CELF2: variants seen among roughly 807,000 people sequenced by gnomAD.
CELF2 encodes the protein CUGBP Elav-like family member 2, also known as CUG triplet repeat RNA-binding protein 2.
Under a neutral mutation model 62.6 loss-of-function variants are expected in CELF2, and 8 were observed. The observed-to-expected ratio is 0.13, with a 90% confidence interval of 0.07 to 0.23. CELF2 has a LOEUF of 0.23. Ranked by LOEUF, CELF2 falls within the 10% of genes least tolerant of loss-of-function variation. The pLI is 1.00. For missense variants in CELF2, 333 were observed against 671.0 expected, an observed-to-expected ratio of 0.50 and a Z score of 5.56; for synonymous variants, 258 against 250.0, an observed-to-expected ratio of 1.03 and a Z score of -0.30.
At chr10:11,216,596 G>A (rs2063417965) in intron 2 of CELF2, among the ~76,000 whole-genome samples, 2 of 152,204 alleles carry the variant, frequency 1.3e-5, no homozygotes, top group Admixed American at 6.5e-5. Flanking sequence ...TGAAGAAGGT[G>A]CAAGCCCTCC....
chr10:10,906,953 G>A (rs1015472633), intron 1 of CELF2, among the ~76,000 whole-genome samples: 10 of 152,016 alleles, frequency 6.6e-5, no homozygotes, highest in East Asian at 1.9e-4. Flanking sequence ...TCTTGACCTC[G>A]TGATCCACCC....
chr10:10,635,656 C>A, the CELF2 span, among the ~76,000 whole-genome samples: 1 of 152,110 alleles, frequency 6.6e-6, no homozygotes, highest in Non-Finnish European at 1.5e-5. Context: ...TTACTTTTTC[C>A]ATCAGCTCTC....
At chr10:11,257,610 C>T (rs2079209811) in intron 4 of CELF2, 128 bp from the exon 5 acceptor site, 1 of 968,410 alleles carries the variant, frequency 1.0e-6, no homozygotes, top group Non-Finnish European at 1.5e-6. Flanking sequence ...TGGACGTCTG[C>T]AGAGTTGGCC....
the CELF2 span, among the ~76,000 whole-genome samples, chr10:10,649,523 G>A: frequency 2.6e-4 from 40 of 151,888 alleles, no homozygotes; most frequent in African/African-American, 9.5e-4. Context: ...ATATCTTAGG[G>A]ATACATCTCA....
chr10:11,161,446 G>A (rs1227020117), intron 1 of CELF2, among the ~76,000 whole-genome samples: 1 of 152,240 alleles, frequency 6.6e-6, no homozygotes, highest in African/African-American at 2.4e-5. Context: ...CCAACTCATG[G>A]AACGTGAAGC....
At chr10:10,877,164 A>G (rs1467455676) in intron 1 of CELF2, among the ~76,000 whole-genome samples, 1 of 152,246 alleles carries the variant, frequency 6.6e-6, no homozygotes, top group African/African-American at 2.4e-5. Context: ...ACTTTCCTTC[A>G]ACTTAATCAT....
intron 1 of CELF2, among the ~76,000 whole-genome samples, chr10:10,914,331 A>G (rs1352521481): frequency 6.6e-6 from 1 of 152,180 alleles, no homozygotes; most frequent in East Asian, 1.9e-4. Context: ...TTGCTTCAAC[A>G]CTTCCTAAAA....
At chr10:11,137,068 GATT>G (rs2060552191) in intron 1 of CELF2, among the ~76,000 whole-genome samples, 1 of 152,118 alleles carries the variant, frequency 6.6e-6, no homozygotes, top group Non-Finnish European at 1.5e-5. Flanking sequence ...ATATATGTAA[GATT>G]ATATATGTAT....
At chr10:10,742,978 G>T in the CELF2 span, among the ~76,000 whole-genome samples, 1 of 152,212 alleles carries the variant, frequency 6.6e-6, no homozygotes, top group African/African-American at 2.4e-5. Context: ...TTCTGTCTTT[G>T]CTTTCCTGGT....
the CELF2 span, among the ~76,000 whole-genome samples, chr10:10,513,250 G>A: frequency 3.3e-5 from 5 of 151,900 alleles, no homozygotes; most frequent in African/African-American, 1.2e-4. Context: ...TGAAGAAGTC[G>A]TATCACTCTA....
At chr10:10,689,282 G>GAA in the CELF2 span, among the ~76,000 whole-genome samples, 1 of 152,124 alleles carries the variant, frequency 6.6e-6, no homozygotes, top group South Asian at 2.1e-4. Flanking sequence ...GCAGGAGAGA[G>GAA]AAACAGTGAA....
At chr10:10,911,321 A>G (rs2063792272) in intron 1 of CELF2, among the ~76,000 whole-genome samples, 1 of 152,254 alleles carries the variant, frequency 6.6e-6, no homozygotes, top group South Asian at 2.1e-4. Context: ...ACAAAGGCAC[A>G]CACTTGTGGC....
chr10:11,144,622 G>A (rs1436904256), intron 1 of CELF2, among the ~76,000 whole-genome samples: 11 of 150,996 alleles, frequency 7.3e-5, no homozygotes, highest in African/African-American at 2.7e-4. Flanking sequence ...GGACAGGCAC[G>A]GTGGCTCATG....
chr10:10,639,150 T>C, the CELF2 span, among the ~76,000 whole-genome samples: 1 of 152,256 alleles, frequency 6.6e-6, no homozygotes, highest in Non-Finnish European at 1.5e-5. Context: ...CCTAGAAATA[T>C]GTGCAATTGT....
chr10:10,561,831 G>C, the CELF2 span, among the ~76,000 whole-genome samples: 1 of 152,194 alleles, frequency 6.6e-6, no homozygotes, highest in Non-Finnish European at 1.5e-5. Flanking sequence ...GGTGGCAGCA[G>C]CGTCAGTAGA....
intron 1 of CELF2, among the ~76,000 whole-genome samples, chr10:11,141,945 T>A (rs2061418324): frequency 6.6e-6 from 1 of 152,234 alleles, no homozygotes; most frequent in Non-Finnish European, 1.5e-5. Context: ...GTAGCTTAGA[T>A]GAAGTCATGT....
chr10:10,914,536 CTA>C (rs1279256657), intron 1 of CELF2, among the ~76,000 whole-genome samples: 1 of 152,152 alleles, frequency 6.6e-6, no homozygotes, highest in Non-Finnish European at 1.5e-5. Flanking sequence ...CACTTGTCTG[CTA>C]TCTTTTTCGG....
At chr10:10,917,404 A>G (rs1383383077) in intron 1 of CELF2, among the ~76,000 whole-genome samples, 1 of 152,168 alleles carries the variant, frequency 6.6e-6, no homozygotes, top group Non-Finnish European at 1.5e-5. Context: ...GTGTGGCACA[A>G]TCATGGCTCA....
At chr10:11,226,010 T>A (rs904031037) in intron 3 of CELF2, among the ~76,000 whole-genome samples, 1 of 152,202 alleles carries the variant, frequency 6.6e-6, no homozygotes, top group South Asian at 2.1e-4. Flanking sequence ...TTTCTAGGAC[T>A]GCCCAGTTGG....
Sources: allele counts gnomAD v4.1 joint callset (sites outside exome capture counted in the v4.1 genomes callset), GRCh38; gene constraint gnomAD v4.1.1; transcripts MANE v1.5; gene names NCBI Gene and HGNC (gene_info 2026-07-23, HGNC 2026-07-21).